The following INPP4B variants were observed in gnomAD, a reference collection of about 807,000 sequenced individuals.
The protein encoded by INPP4B is inositol polyphosphate 4-phosphatase type II.
Under a neutral mutation model 122.5 loss-of-function variants are expected in INPP4B, and 55 were observed. That is an observed-to-expected ratio of 0.45 (90% CI 0.36 to 0.56). The LOEUF (loss-of-function observed/expected upper bound fraction) is 0.56, where lower values mean the gene tolerates loss of function less well. Among genes scored for constraint, INPP4B ranks in the 20% least tolerant of loss-of-function variants. INPP4B has a pLI of 0.00. For missense variants in INPP4B, 1,000 were observed against 1,097.7 expected (o/e 0.91, Z 1.26); for synonymous variants, 403 against 388.7 (o/e 1.04, Z -0.43).
intron 2 of INPP4B, among the ~76,000 whole-genome samples, chr4:142,548,284 C>T (rs746934037): frequency 6.6e-6 from 1 of 152,120 alleles, no homozygotes; most frequent in Admixed American, 6.6e-5. Context: ...TGTGTAGAAA[C>T]TGCAAGTAGT....
intron 2 of INPP4B, chr4:142,474,179 C>G (rs1243996353): frequency 1.3e-5 from 2 of 151,870 alleles, no homozygotes; most frequent in Non-Finnish European, 2.9e-5. Context: ...TGTAGCTGGG[C>G]AGGTGGCCCT....
intron 1 of INPP4B, among the ~76,000 whole-genome samples, chr4:142,727,883 C>A (rs541137691): frequency 1.5e-4 from 23 of 152,180 alleles, no homozygotes; most frequent in African/African-American, 5.1e-4. Context: ...GTCCCCCAAC[C>A]CCCAAAAAAT....
At chr4:142,430,603 T>C (rs1002587580) in intron 4 of INPP4B, among the ~76,000 whole-genome samples, 2 of 152,114 alleles carry the variant, frequency 1.3e-5, no homozygotes, top group African/African-American at 4.8e-5. Context: ...ATTCTTCCAA[T>C]GATTTTATTT....
chr4:142,029,120 A>C, intron 25 of INPP4B: 1 of 1,286,956 alleles, frequency 7.8e-7, no homozygotes, highest in Non-Finnish European at 9.8e-7. Context: ...GAAAGAGATG[A>C]CTTAAGTCTC....
At chr4:142,732,982 A>C (rs1306634885) in intron 1 of INPP4B, among the ~76,000 whole-genome samples, 1 of 152,172 alleles carries the variant, frequency 6.6e-6, no homozygotes, top group Non-Finnish European at 1.5e-5. Flanking sequence ...TATGAAACAA[A>C]AGAGGAAGTC....
At chr4:142,794,586 C>T (rs998669137) in intron 1 of INPP4B, among the ~76,000 whole-genome samples, 2 of 151,776 alleles carry the variant, frequency 1.3e-5, no homozygotes, top group East Asian at 1.9e-4. Context: ...ATTTCTTAAA[C>T]ATAAAAAGCC....
intron 2 of INPP4B, among the ~76,000 whole-genome samples, chr4:142,652,777 G>C (rs1425813972): frequency 1.3e-5 from 2 of 152,136 alleles, no homozygotes; most frequent in Admixed American, 6.6e-5. Context: ...TGTGAAAATA[G>C]CCATATTGCC....
intron 22 of INPP4B, among the ~76,000 whole-genome samples, chr4:142,109,642 T>C (rs1561146583): frequency 1.3e-5 from 2 of 152,184 alleles, no homozygotes; most frequent in Non-Finnish European, 2.9e-5. Flanking sequence ...TTCTGATTCA[T>C]CTTTAAAGCC....
intron 1 of INPP4B, among the ~76,000 whole-genome samples, chr4:142,803,548 G>A (rs1207760704): frequency 6.6e-6 from 1 of 150,874 alleles, no homozygotes; most frequent in Non-Finnish European, 1.5e-5. Flanking sequence ...TTTTACTACA[G>A]AGATAGAACC....
chr4:142,549,338 G>A (rs980117578), intron 2 of INPP4B, among the ~76,000 whole-genome samples: 74 of 152,044 alleles, frequency 4.9e-4, no homozygotes, highest in Non-Finnish European at 6.9e-4. Context: ...GGGAGGGCAC[G>A]GGAGCCCATG....
At chr4:142,813,063 A>T (rs188150359) in intron 1 of INPP4B, among the ~76,000 whole-genome samples, 44 of 152,214 alleles carry the variant, frequency 2.9e-4, no homozygotes, top group African/African-American at 1.0e-3. Flanking sequence ...TTGAACACGA[A>T]ATTTAAAACC....
intron 2 of INPP4B, among the ~76,000 whole-genome samples, chr4:142,633,465 G>A (rs1321995545): frequency 1.3e-5 from 2 of 152,266 alleles, no homozygotes; most frequent in South Asian, 4.1e-4. Flanking sequence ...TGGAATATTT[G>A]CCAAAGCTGA....
intron 1 of INPP4B, among the ~76,000 whole-genome samples, chr4:142,782,457 C>T (rs2151032106): frequency 6.6e-6 from 1 of 151,922 alleles, no homozygotes; most frequent in East Asian, 1.9e-4. Context: ...GTGCATGTGT[C>T]TTTATAGCAG....
chr4:142,025,788 G>C lies in INPP4B; in HGVS notation c.*2994C>G, dbSNP rs374201664. On this transcript the variant is annotated 3_prime_UTR_variant, in exon 26 of 26. Coordinates refer to ENST00000262992, the MANE Select transcript of INPP4B (RefSeq NM_001101669.3). ...GGCTGGGTCCATGGAGCTCTGCCCTGATTGGGCAGTTTGTCATTTAGTACA... is the reference window on the plus strand; with the variant it reads ...GGCTGGGTCCATGGAGCTCTGCCCTCATTGGGCAGTTTGTCATTTAGTACA... The C allele has an allele frequency of 6.6e-6, 1 of 152,290 alleles. No homozygotes were observed. The highest frequency in any genetic ancestry group is 2.4e-5 in the African/African-American group (1 of 41,568). The allele number at this position is 152,290 out of a possible 1,614,324, so 9.4% of individuals were successfully genotyped here.
chr4:142,288,720 C>T (rs573004985), intron 9 of INPP4B, among the ~76,000 whole-genome samples: 11 of 150,848 alleles, frequency 7.3e-5, no homozygotes, highest in Non-Finnish European at 1.6e-4. Context: ...TTTTCTTTTT[C>T]TCTGAAACAT....
At chr4:142,202,846 C>T (rs1841244366) in intron 14 of INPP4B, 2 of 833,378 alleles carry the variant, frequency 2.4e-6, no homozygotes, top group African/African-American at 1.8e-5. Flanking sequence ...AAACTAAGGG[C>T]AAGCCCATTC....
intron 9 of INPP4B, among the ~76,000 whole-genome samples, chr4:142,276,960 A>G (rs35214831): frequency 0.11 from 16,085 of 151,946 alleles, 1,007 homozygotes; most frequent in South Asian, 0.22. Context: ...GTGAGAAAAC[A>G]AGGTTGGCAT....
chr4:142,722,855 G>C (rs528859740), intron 2 of INPP4B, among the ~76,000 whole-genome samples: 1 of 152,208 alleles, frequency 6.6e-6, no homozygotes, highest in South Asian at 2.1e-4. Flanking sequence ...TCATTTAAAT[G>C]CATGGTCACT....
intron 9 of INPP4B, among the ~76,000 whole-genome samples, chr4:142,271,179 G>A (rs1449007744): frequency 2.0e-5 from 3 of 152,048 alleles, no homozygotes; most frequent in African/African-American, 7.2e-5. Context: ...CCAACCTCAG[G>A]TGATCCACCC....
Sources: gnomAD v4.1 joint callset for allele counts (sites outside exome capture counted in the v4.1 genomes callset) on GRCh38, gnomAD v4.1.1 for gene constraint, MANE v1.5 for transcripts, NCBI Gene and HGNC (gene_info 2026-07-23, HGNC 2026-07-21) for gene names.